Variants in HRH2 observed in about 807,000 individuals in gnomAD.
HRH2 encodes histamine receptor H2.
In HRH2, 4 loss-of-function variants were observed where a neutral mutation model predicts 20.1. That is an observed-to-expected ratio of 0.20 (90% CI 0.10 to 0.45). The LOEUF is 0.45. HRH2 is among the 20% of genes least tolerant of loss of function. The pLI is 0.99. For synonymous variants in HRH2, 197 were observed against 200.7 expected, an observed-to-expected ratio of 0.98 and a Z score of 0.16; for missense variants, 250 against 461.6, an observed-to-expected ratio of 0.54 and a Z score of 4.20.
chr5:175,702,910 T>C (rs1017407460), intron 2 of HRH2, among the ~76,000 whole-genome samples: 7 of 152,206 alleles, frequency 4.6e-5, no homozygotes, highest in Admixed American at 4.6e-4. Context: ...CATATTTTGA[T>C]AAACAGTTCA....
At chr5:175,689,803 C>G (rs1468699221) in intron 2 of HRH2, among the ~76,000 whole-genome samples, 2 of 152,230 alleles carry the variant, frequency 1.3e-5, no homozygotes, top group African/African-American at 2.4e-5. Flanking sequence ...ATAGCACAGA[C>G]AGCAAGCTTC....
In HRH2 at chr5:175,683,790, A is replaced by G; in HGVS notation, c.557A>G (p.Asp186Gly). Residue 186 changes from aspartate to glycine, a missense_variant, in exon 2 of 3, where the codon GAT becomes GGT. Coordinates refer to ENST00000636584, the MANE Select transcript of HRH2 (RefSeq NM_001367711.1). ...VQVNEVYGLV[D>G]GLVTFYLPLL... ...GTCAATGAAGTGTACGGGCTGGTGG[A>G]TGGGCTGGTCACCTTCTACCTCCCG... 6.2e-7 allele frequency: 1 copy of G among 1,614,140 alleles called. No individual in the cohort carries two copies. The highest frequency in any genetic ancestry group is 8.5e-7 in the Non-Finnish European group (1 of 1,180,028).
chr5:175,681,524 CAG>C lies in HRH2; in HGVS notation c.-525-1184_-525-1183del, dbSNP rs1364241935. 2.6e-5 allele frequency among the ~76,000 whole-genome samples: 4 copies of C among 152,334 alleles called. No homozygotes were observed. The East Asian group carries it at 7.7e-4, about 29-fold the overall frequency. On this transcript the variant is annotated intron_variant, in intron 1 of 2. Transcript: ENST00000636584. This position sits in a 1 kb window ranked among gnomAD's most constrained non-coding sequence, Gnocchi z 4.3. ...GGTAGGGAAGGACTGGGGCGTGGAA[CAG>C]GGCCTCAGCTTGTTTCTCGCCAGTT...
Position 175,686,728 on chromosome 5 carries a change from C to T in HRH2, c.1076+2419C>T, listed in dbSNP as rs1207080736. 6.6e-6 allele frequency among the ~76,000 whole-genome samples: 1 copy of T among 152,218 alleles called. No homozygotes were observed. Among genetic ancestry groups the T allele is most frequent in the Non-Finnish European group, 1.5e-5 (1 of 68,038 alleles). ...CCAAGGCAGGGCTGGACCCTTGAGA[C>T]TCAGGGCCTCACTTCATCCTCCACA... On this transcript the variant is annotated intron_variant, in intron 2 of 2. Transcript: ENST00000636584. The surrounding 1 kb of genome is among the most constrained non-coding windows in gnomAD (Gnocchi z 4.7).
intron 1 of HRH2, among the ~76,000 whole-genome samples, chr5:175,663,383 C>T (rs1044667627): frequency 6.6e-6 from 1 of 152,142 alleles, no homozygotes; most frequent in Non-Finnish European, 1.5e-5. Flanking sequence ...ATTGTGGTTT[C>T]GGTTTACATT....
intron 1 of HRH2, among the ~76,000 whole-genome samples, chr5:175,673,993 C>T (rs1253740263): frequency 6.6e-6 from 1 of 152,170 alleles, no homozygotes; most frequent in African/African-American, 2.4e-5. Context: ...ACGTGAGCCA[C>T]CACACCCAGC....
intron 1 of HRH2, among the ~76,000 whole-genome samples, chr5:175,680,668 C>A (rs1035186673): frequency 6.6e-6 from 1 of 152,198 alleles, no homozygotes. Flanking sequence ...TGACGTGGCC[C>A]TCTAGGGCAA....
At chr5:175,663,956 C>T (rs535801922) in intron 1 of HRH2, among the ~76,000 whole-genome samples, 1 of 152,356 alleles carries the variant, frequency 6.6e-6, no homozygotes, top group South Asian at 2.1e-4. Flanking sequence ...TCCAGCTCTG[C>T]CCCTATCTGA....
intron 2 of HRH2, among the ~76,000 whole-genome samples, chr5:175,701,668 C>T (rs866877995): frequency 6.6e-5 from 10 of 152,134 alleles, no homozygotes; most frequent in Non-Finnish European, 7.3e-5. Flanking sequence ...CTGTCACGTG[C>T]CCAACCCTGA....
chr5:175,689,199 C>T (rs1581444925), intron 2 of HRH2, among the ~76,000 whole-genome samples: 3 of 152,324 alleles, frequency 2.0e-5, no homozygotes, highest in African/African-American at 7.2e-5. Context: ...TAGAGTAAAA[C>T]ACCAAATTCT....
At position 175,683,814 on chromosome 5, in the gene HRH2, C is replaced by T. The variant is rs1438986908; in HGVS notation, c.581C>T (p.Pro194Leu). 1.9e-6 allele frequency: 3 copies of T among 1,614,122 alleles called. No individual in the cohort carries two copies. Among genetic ancestry groups the T allele is most frequent in the Non-Finnish European group, 2.5e-6 (3 of 1,180,028 alleles). Residue 194 changes from proline to leucine, a missense_variant, in exon 2 of 3, where the codon CCG (proline) becomes CTG (leucine). Around this residue, in one of 5 missense-constraint regions of HRH2, gnomAD observed 58 missense variants for 166.8 expected, o/e 0.35. Coordinates refer to ENST00000636584, the MANE Select transcript of HRH2 (RefSeq NM_001367711.1). ...GATGGGCTGGTCACCTTCTACCTCCCGCTACTGATCATGTGCATCACCTAC... is the reference window on the plus strand; with the variant it reads ...GATGGGCTGGTCACCTTCTACCTCCTGCTACTGATCATGTGCATCACCTAC... ...LVDGLVTFYL[P>L]LLIMCITYYR...
At position 175,677,174 on chromosome 5, in the gene HRH2, T is replaced by G. The variant is rs890246636; in HGVS notation, c.-525-5535T>G. Among the ~76,000 whole-genome samples, 10 of 152,154 alleles carry G rather than the reference T, an allele frequency of 6.6e-5. No individual in the cohort carries two copies. The highest frequency in any genetic ancestry group is 2.2e-4 in the African/African-American group (9 of 41,420). ...TATGCCCAGCTAATTTTTAAACTTT[T>G]TGTAGATATAGGGTCTCACTACGTT... On this transcript the variant is annotated intron_variant, in intron 1 of 2. Transcript: ENST00000636584. The surrounding 1 kb of genome is among the most constrained non-coding windows in gnomAD (Gnocchi z 4.2).
At chr5:175,688,196 G>C (rs1196836227) in intron 2 of HRH2, among the ~76,000 whole-genome samples, 1 of 152,160 alleles carries the variant, frequency 6.6e-6, no homozygotes, top group Admixed American at 6.5e-5. Flanking sequence ...TGCTACTCTC[G>C]AGCCTCAGCT....
chr5:175,689,942 C>T (rs938093225), intron 2 of HRH2, among the ~76,000 whole-genome samples: 2 of 152,198 alleles, frequency 1.3e-5, no homozygotes, highest in Non-Finnish European at 2.9e-5. Flanking sequence ...GTCTTTTGCT[C>T]CAAATCCAAT....
chr5:175,678,438 CAT>C (rs1449735694), intron 1 of HRH2, among the ~76,000 whole-genome samples: 2 of 152,224 alleles, frequency 1.3e-5, no homozygotes, highest in African/African-American at 2.4e-5. Flanking sequence ...CCATTTTACA[CAT>C]GAGAAAACTG....
intron 2 of HRH2, among the ~76,000 whole-genome samples, chr5:175,701,252 A>G (rs1456628472): frequency 6.6e-6 from 1 of 152,198 alleles, no homozygotes; most frequent in Non-Finnish European, 1.5e-5. Flanking sequence ...GGTCCATGTA[A>G]AAACACGGGA....
chr5:175,680,823 C>G (rs1010316392), intron 1 of HRH2, among the ~76,000 whole-genome samples: 1 of 152,150 alleles, frequency 6.6e-6, no homozygotes, highest in Non-Finnish European at 1.5e-5. Context: ...TTTGAAAACT[C>G]TACGAAGAAA....
intron 1 of HRH2, among the ~76,000 whole-genome samples, chr5:175,658,690 C>G (rs1025728524): frequency 1.3e-5 from 2 of 150,848 alleles, no homozygotes; most frequent in Non-Finnish European, 2.9e-5. Flanking sequence ...TGCCTTCATC[C>G]CGCTGGGCTG....
At chr5:175,684,602 C>T (rs950076137) in intron 2 of HRH2, among the ~76,000 whole-genome samples, 6 of 152,238 alleles carry the variant, frequency 3.9e-5, no homozygotes, top group Non-Finnish European at 7.3e-5. Flanking sequence ...TTTTTCCCAG[C>T]TACGTGGTCC....
Sources: allele counts gnomAD v4.1 joint callset (sites outside exome capture counted in the v4.1 genomes callset), GRCh38; gene constraint gnomAD v4.1.1; regional missense constraint gnomAD v4.1.1; non-coding constraint Gnocchi (gnomAD v3.1); transcripts MANE v1.5; gene names NCBI Gene and HGNC (gene_info 2026-07-23, HGNC 2026-07-21).